NDUFB9: variants seen among roughly 807,000 people sequenced by gnomAD.
The protein encoded by NDUFB9 is NADH dehydrogenase [ubiquinone] 1 beta subcomplex subunit 9.
Under a neutral mutation model 30.2 loss-of-function variants are expected in NDUFB9, and 24 were observed. The observed-to-expected ratio is 0.80, with a 90% CI of 0.58 to 1.12. The LOEUF is 1.12. Among genes scored for constraint, NDUFB9 ranks in the 50% most tolerant of loss-of-function variants. The pLI, the probability that NDUFB9 is intolerant of heterozygous loss-of-function variation, is 0.00. For missense variants in NDUFB9, 204 were observed against 226.0 expected (o/e 0.90, Z 0.62); for synonymous variants, 80 against 84.0 (o/e 0.95, Z 0.26).
intron 1 of NDUFB9, among the ~76,000 whole-genome samples, chr8:124,542,524 GATT>G (rs1476749861): frequency 6.6e-6 from 1 of 152,170 alleles, no homozygotes; most frequent in Non-Finnish European, 1.5e-5. Context: ...CTGTGTCCTA[GATT>G]ATTGTCAAAA....
At chr8:124,548,380 T>C (rs78715172) in intron 3 of NDUFB9, among the ~76,000 whole-genome samples, 4 of 152,372 alleles carry the variant, frequency 2.6e-5, no homozygotes, top group African/African-American at 9.6e-5. Context: ...GTTTTGAAGA[T>C]GACAGACTTG....
At chr8:124,543,771 C>A (rs1156333889) in intron 2 of NDUFB9, among the ~76,000 whole-genome samples, 1 of 152,146 alleles carries the variant, frequency 6.6e-6, no homozygotes, top group Non-Finnish European at 1.5e-5. Context: ...CGCCTCTATC[C>A]CTCTCCTCAG....
intron 3 of NDUFB9, chr8:124,547,317 T>C: frequency 1.5e-6 from 1 of 652,830 alleles, no homozygotes; most frequent in Admixed American, 2.3e-5. Context: ...TCGTTTTGGC[T>C]TTGTCTTTGA....
At chr8:124,540,847 C>T (rs1212547013) in intron 1 of NDUFB9, among the ~76,000 whole-genome samples, 30 of 152,174 alleles carry the variant, frequency 2.0e-4, no homozygotes, top group Admixed American at 1.9e-3. Flanking sequence ...TCATTTGTCT[C>T]TAGAGCTGTA....
intron 1 of NDUFB9, among the ~76,000 whole-genome samples, chr8:124,541,753 G>A (rs1201892675): frequency 2.6e-5 from 4 of 151,840 alleles, no homozygotes; most frequent in Non-Finnish European, 2.9e-5. Flanking sequence ...ACAGGCATGC[G>A]CCACCACGCC....
At chr8:124,548,490 C>G (rs1006047924) in intron 3 of NDUFB9, among the ~76,000 whole-genome samples, 1 of 151,986 alleles carries the variant, frequency 6.6e-6, no homozygotes, top group Admixed American at 6.5e-5. Context: ...AGTCATGAGG[C>G]GAGGAAGAGC....
intron 3 of NDUFB9, among the ~76,000 whole-genome samples, chr8:124,547,935 A>G (rs187515004): frequency 3.9e-5 from 6 of 152,222 alleles, no homozygotes; most frequent in African/African-American, 1.4e-4. Context: ...CAATGAGCTG[A>G]CATCGCGCCA....
intron 3 of NDUFB9, among the ~76,000 whole-genome samples, chr8:124,548,514 G>A (rs1047672889): frequency 1.3e-5 from 2 of 152,202 alleles, no homozygotes; most frequent in African/African-American, 2.4e-5. Context: ...CTGGAGAGTA[G>A]TAGGATGGCC....
Position 124,546,980 on chromosome 8 carries a change from A to C in NDUFB9, c.295-20A>C. 6.4e-7 allele frequency: 1 copy of C among 1,557,620 alleles called. No homozygotes were observed. The highest frequency in any genetic ancestry group is 8.8e-7 in the Non-Finnish European group (1 of 1,130,330). On this transcript the variant is annotated intron_variant, in intron 2 of 3. Coordinates refer to ENST00000276689, the MANE Select transcript of NDUFB9 (RefSeq NM_005005.3). ...TAAATGTGTCCTGTGGATTGATACCATGATTTCCTCTCCTGACAGGTCCCA... is the reference window on the plus strand; with the variant it reads ...TAAATGTGTCCTGTGGATTGATACCCTGATTTCCTCTCCTGACAGGTCCCA...
At chr8:124,549,633 T>C (rs1464191513) in intron 3 of NDUFB9, 128 bp from the exon 4 acceptor site, 1 of 876,170 alleles carries the variant, frequency 1.1e-6, no homozygotes, top group African/African-American at 1.7e-5. Flanking sequence ...CTTTTCAATA[T>C]TGTGATCAGA....
chr8:124,545,058 A>G (rs560989371), intron 2 of NDUFB9, among the ~76,000 whole-genome samples: 2 of 152,366 alleles, frequency 1.3e-5, no homozygotes, highest in South Asian at 2.1e-4. Flanking sequence ...GAGCCAGAAT[A>G]GAAGCTGATC....
intron 2 of NDUFB9, 114 bp downstream of exon 2, chr8:124,543,393 C>A: frequency 9.2e-7 from 1 of 1,082,812 alleles, no homozygotes; most frequent in Non-Finnish European, 1.4e-6. Flanking sequence ...GACTTATTTC[C>A]TGACAGTTGT....
At chr8:124,540,059 T>C (rs1821876444) in intron 1 of NDUFB9, among the ~76,000 whole-genome samples, 1 of 152,170 alleles carries the variant, frequency 6.6e-6, no homozygotes, top group African/African-American at 2.4e-5. Flanking sequence ...GTCTTACGAC[T>C]CTCCAAACGT....
At position 124,549,752 on chromosome 8, in the gene NDUFB9, T is replaced by G; in HGVS notation, c.409-9T>G. On this transcript the variant is annotated splice_polypyrimidine_tract_variant and intron_variant, in intron 3 of 3. Transcript: ENST00000276689. ...CTTTGGTAATGATTCCTTCCTTGCC[T>G]CCTTCTAGGTTAAGCAGCTGCAGGA... 2 of 1,613,814 alleles carry G rather than the reference T, an allele frequency of 1.2e-6. No individual in the cohort carries two copies. The highest frequency in any genetic ancestry group is 1.7e-6 in the Non-Finnish European group (2 of 1,179,724).
At chr8:124,540,276 T>G (rs1196706735) in intron 1 of NDUFB9, among the ~76,000 whole-genome samples, 3 of 150,500 alleles carry the variant, frequency 2.0e-5, no homozygotes, top group South Asian at 2.4e-4. Context: ...CTTATTTATT[T>G]ATTGATTTGA....
Position 124,549,911 on chromosome 8 carries a change from T to C in NDUFB9, c.*19T>C. The stretch of plus-strand genomic sequence containing the variant: ...CATGTAGAAAGAGAGAGACCTCATC[T>C]TTCATGCTTGCAAGTGAAATATGTT... On this transcript the variant is annotated 3_prime_UTR_variant, in exon 4 of 4. Transcript: ENST00000276689. The C allele has an allele frequency of 6.2e-7, 1 of 1,614,150 alleles. No homozygotes were observed. Among genetic ancestry groups the C allele is most frequent in the Non-Finnish European group, 8.5e-7 (1 of 1,179,996 alleles).
rs764039555 is a variant in NDUFB9, at chr8:124,539,153, G to C, written c.-34G>C. On this transcript the variant is annotated 5_prime_UTR_variant, in exon 1 of 4. Transcript: ENST00000276689. ...CCCGCAGCAGGCGTGCAGTTTCCCGGCTCTCCGCGCGGCCGGGGAAGGTCA... is the reference window on the plus strand; with the variant it reads ...CCCGCAGCAGGCGTGCAGTTTCCCGCCTCTCCGCGCGGCCGGGGAAGGTCA... 3.1e-6 allele frequency: 5 copies of C among 1,613,656 alleles called. No homozygotes were observed. Among genetic ancestry groups the C allele is most frequent in the Non-Finnish European group, 4.2e-6 (5 of 1,179,534 alleles).
intron 3 of NDUFB9, among the ~76,000 whole-genome samples, chr8:124,548,299 G>A (rs747100257): frequency 2.0e-5 from 3 of 152,120 alleles, no homozygotes; most frequent in Non-Finnish European, 4.4e-5. Flanking sequence ...AGAGAAAAAA[G>A]AAAAGGAAAA....
At chr8:124,549,472 A>G (rs1822275784) in intron 3 of NDUFB9, among the ~76,000 whole-genome samples, 1 of 152,202 alleles carries the variant, frequency 6.6e-6, no homozygotes, top group African/African-American at 2.4e-5. Flanking sequence ...TGTCTGCAGA[A>G]TAAGAGGAGG....
Sources: gnomAD v4.1 joint callset for allele counts (sites outside exome capture counted in the v4.1 genomes callset) on GRCh38, gnomAD v4.1.1 for gene constraint, MANE v1.5 for transcripts, NCBI Gene and HGNC (gene_info 2026-07-23, HGNC 2026-07-21) for gene names.